The following SEC24A variants were observed in gnomAD, a reference collection of about 807,000 sequenced individuals.
SEC24A encodes protein transport protein Sec24A.
Under a neutral mutation model 129.4 loss-of-function variants are expected in SEC24A, and 93 were observed. The ratio of observed to expected loss-of-function variants is 0.72; its 90% CI spans 0.61 to 0.85. The LOEUF (loss-of-function observed/expected upper bound fraction) is 0.85, where lower values mean the gene tolerates loss of function less well. Ranked by LOEUF, SEC24A falls within the 40% of genes least tolerant of loss-of-function variation. The pLI, the probability that SEC24A is intolerant of heterozygous loss-of-function variation, is 0.00. For missense variants in SEC24A, 1,264 were observed against 1,307.4 expected, an observed-to-expected ratio of 0.97 and a Z score of 0.51; for synonymous variants, 460 against 467.3, an observed-to-expected ratio of 0.98 and a Z score of 0.20.
At chr5:134,693,693 A>T (rs1309557690) in intron 12 of SEC24A, 34 bp from the exon 13 acceptor site, 1 of 1,603,582 alleles carries the variant, frequency 6.2e-7, no homozygotes, top group Admixed American at 1.7e-5. Flanking sequence ...AATTTTAATT[A>T]TGACACTTGA....
intron 1 of SEC24A, among the ~76,000 whole-genome samples, chr5:134,650,135 T>C (rs1189799692): frequency 1.3e-5 from 2 of 152,198 alleles, no homozygotes; most frequent in African/African-American, 2.4e-5. Context: ...TTTACAAAGA[T>C]GGCTCTAAAA....
chr5:134,661,239 A>G lies in SEC24A; in HGVS notation c.218A>G (p.Gln73Arg). The change falls in exon 2 of 23, where the codon CAG becomes CGG. Residue 73 changes from glutamine to arginine, a missense_variant. Coordinates refer to ENST00000398844, the MANE Select transcript of SEC24A (RefSeq NM_021982.3). ...PAKTLNPVSG[Q>R]SNYGGSQGSG... ...AAGACTTTGAATCCAGTCTCTGGAC[A>G]GTCTAACTATGGTGGTTCTCAGGGA... The G allele has an allele frequency of 6.2e-7, 1 of 1,614,142 alleles. No individual in the cohort carries two copies. Among genetic ancestry groups the G allele is most frequent in the Non-Finnish European group, 8.5e-7 (1 of 1,180,014 alleles).
At chr5:134,668,893 T>A (rs977836531) in intron 3 of SEC24A, among the ~76,000 whole-genome samples, 18 of 149,536 alleles carry the variant, frequency 1.2e-4, no homozygotes, top group Middle Eastern at 3.3e-3. Context: ...CAAAAAAAAA[T>A]AAAAATAATA....
intron 10 of SEC24A, among the ~76,000 whole-genome samples, chr5:134,687,402 A>G (rs1751489407): frequency 6.6e-6 from 1 of 152,222 alleles, no homozygotes; most frequent in South Asian, 2.1e-4. Context: ...GAATTTAAAC[A>G]GTATACACAC....
At chr5:134,712,615 A>G (rs1482299397) in intron 18 of SEC24A, among the ~76,000 whole-genome samples, 2 of 151,100 alleles carry the variant, frequency 1.3e-5, no homozygotes, top group East Asian at 2.0e-4. Context: ...CACAGATTAC[A>G]TAAATATTTA....
chr5:134,690,491 T>G (rs1751605951), intron 11 of SEC24A, among the ~76,000 whole-genome samples: 1 of 152,188 alleles, frequency 6.6e-6, no homozygotes, highest in East Asian at 1.9e-4. Context: ...TTTTTAAAAT[T>G]TCTTGTAGAG....
At chr5:134,692,550 C>T (rs1580718445) in intron 11 of SEC24A, 52 bp from the exon 12 acceptor site, 4 of 946,042 alleles carry the variant, frequency 4.2e-6, no homozygotes, top group Non-Finnish European at 6.6e-6. Context: ...ATATTTGGCA[C>T]ACTTTTAATT....
At position 134,649,222 on chromosome 5, in the gene SEC24A, C is replaced by T. The variant is rs7707323; in HGVS notation, c.97+49C>T. ...CGCAGCCTGGCCAGGGCTGACTGACCTTTGCGTGCCACTGCTGCTTGAGGC... is the reference window on the plus strand; with the variant it reads ...CGCAGCCTGGCCAGGGCTGACTGACTTTTGCGTGCCACTGCTGCTTGAGGC... On this transcript the variant is annotated intron_variant, in intron 1 of 22. Transcript: ENST00000398844. The T allele has an allele frequency of 2.7e-4, 363 of 1,336,698 alleles. 1 individual carries two copies. In the African/African-American group the frequency reaches 4.4e-3, roughly 16 times the overall value. The allele number at this position is 1,336,698 out of a possible 1,614,324, so 82.8% of individuals were successfully genotyped here. A position where few individuals can be genotyped will look rare whatever the true frequency, so the allele number is the denominator to read the frequency against.
chr5:134,716,086 C>T (rs1182161166), intron 19 of SEC24A, among the ~76,000 whole-genome samples: 1 of 152,012 alleles, frequency 6.6e-6, no homozygotes, highest in Non-Finnish European at 1.5e-5. Flanking sequence ...GAATTAAAGT[C>T]ACAAGAATGA....
chr5:134,678,310 T>G (rs1751137787), intron 7 of SEC24A, among the ~76,000 whole-genome samples: 1 of 152,184 alleles, frequency 6.6e-6, no homozygotes. Flanking sequence ...TAAGTAAGCT[T>G]CTTAATGTAA....
intron 7 of SEC24A, among the ~76,000 whole-genome samples, chr5:134,677,334 A>G (rs1330093239): frequency 6.6e-6 from 1 of 152,078 alleles, no homozygotes; most frequent in Non-Finnish European, 1.5e-5. Context: ...ATTTCAGAAG[A>G]AAAAAGAAAC....
intron 20 of SEC24A, among the ~76,000 whole-genome samples, chr5:134,720,242 T>C (rs1285714239): frequency 6.6e-6 from 1 of 152,202 alleles, no homozygotes; most frequent in Admixed American, 6.5e-5. Flanking sequence ...TCTGCCATAT[T>C]TTTACTATAC....
At chr5:134,716,800 CAA>C (rs200176385) in intron 19 of SEC24A, among the ~76,000 whole-genome samples, 6 of 58,798 alleles carry the variant, frequency 1.0e-4, no homozygotes, top group Non-Finnish European at 1.5e-4. Flanking sequence ...GATTCCATCT[CAA>C]AAAAAAAAAA....
intron 1 of SEC24A, among the ~76,000 whole-genome samples, chr5:134,659,834 A>G (rs1750387332): frequency 6.6e-6 from 1 of 151,770 alleles, no homozygotes; most frequent in Admixed American, 6.6e-5. Context: ...TATATTTTTT[A>G]TAGAGACGAG....
chr5:134,719,342 A>T (rs907360301), intron 20 of SEC24A, among the ~76,000 whole-genome samples: 1 of 150,430 alleles, frequency 6.6e-6, no homozygotes, highest in Non-Finnish European at 1.5e-5. Flanking sequence ...AGATCACACC[A>T]CTGCACTCCA....
chr5:134,725,140 G>A lies in SEC24A; in HGVS notation c.*46G>A, dbSNP rs1026266799. The A allele has an allele frequency of 2.1e-6, 2 of 933,758 alleles. No individual in the cohort carries two copies. Among genetic ancestry groups the A allele is most frequent in the African/African-American group, 1.6e-5 (1 of 61,176 alleles). The allele number at this position is 933,758 out of a possible 1,614,324, so 57.8% of individuals were successfully genotyped here. ...TATTTTTAAGGAATGTCACGATAGT[G>A]CAGAATACCTGGAAATGTGTAATAC... On this transcript the variant is annotated 3_prime_UTR_variant, in exon 23 of 23. Coordinates refer to ENST00000398844, the MANE Select transcript of SEC24A (RefSeq NM_021982.3).
At chr5:134,671,735 G>T in intron 3 of SEC24A, 74 bp from the exon 4 acceptor site, 1 of 822,838 alleles carries the variant, frequency 1.2e-6, no homozygotes, top group Non-Finnish European at 1.9e-6. Flanking sequence ...TAAAATTTTG[G>T]ATATTAGTTA....
chr5:134,671,888 T>C lies in SEC24A; in HGVS notation c.817+2T>C. On this transcript the variant is annotated splice_donor_variant, in intron 4 of 22. Transcript: ENST00000398844. LOFTEE classifies it high-confidence loss of function. Reference sequence around the variant, plus strand: ...AGATTGAAGGAGGTGGCTTATTGGGTGAGATGCTATGAAAGTTTTTTTTTT... The same window carrying C: ...AGATTGAAGGAGGTGGCTTATTGGGCGAGATGCTATGAAAGTTTTTTTTTT... 1 of 1,590,376 alleles carries C rather than the reference T, an allele frequency of 6.3e-7. No homozygotes were observed. The highest frequency in any genetic ancestry group is 8.6e-7 in the Non-Finnish European group (1 of 1,165,646).
intron 1 of SEC24A, among the ~76,000 whole-genome samples, chr5:134,653,019 A>G (rs1240725007): frequency 1.4e-5 from 2 of 147,430 alleles, no homozygotes; most frequent in South Asian, 2.1e-4. Context: ...ATTAGCTAGG[A>G]TGGTCTCAAT....
Sources: allele counts gnomAD v4.1 joint callset (sites outside exome capture counted in the v4.1 genomes callset), GRCh38; gene constraint gnomAD v4.1.1; transcripts MANE v1.5; gene names NCBI Gene and HGNC (gene_info 2026-07-23, HGNC 2026-07-21).